The following SORCS3 variants were observed in gnomAD, a reference collection of about 807,000 sequenced individuals.
The protein encoded by SORCS3 is sortilin related VPS10 domain containing receptor 3, also known as VPS10 domain-containing receptor SorCS3.
Under a neutral mutation model 146.3 loss-of-function variants are expected in SORCS3, and 57 were observed. The ratio of observed to expected loss-of-function variants is 0.39; its 90% confidence interval spans 0.31 to 0.49. The LOEUF (loss-of-function observed/expected upper bound fraction) is 0.49. Among genes scored for constraint, SORCS3 ranks in the 20% least tolerant of loss-of-function variants. SORCS3 has a pLI of 0.92. For missense variants in SORCS3, 1,341 were observed against 1,575.5 expected (o/e 0.85, Z 2.52); for synonymous variants, 653 against 618.5 (o/e 1.06, Z -0.83).
chr10:104,956,518 A>G (rs1024404295), intron 3 of SORCS3, among the ~76,000 whole-genome samples: 1 of 152,188 alleles, frequency 6.6e-6, no homozygotes, highest in Non-Finnish European at 1.5e-5. Context: ...TTGAACGTAT[A>G]TGTGACAAGA....
intron 5 of SORCS3, among the ~76,000 whole-genome samples, chr10:105,060,189 T>A (rs1026507388): frequency 1.3e-5 from 2 of 152,108 alleles, no homozygotes; most frequent in African/African-American, 4.8e-5. Flanking sequence ...GGCAAGCTTG[T>A]GTGCGTGCTT....
Position 104,891,827 on chromosome 10 carries a change from T to C in SORCS3, c.696-24006T>C, listed in dbSNP as rs1464251101. ...TGGCAGAGCTAGCATTGGATCCAGATTTCTTTCTTCCAGGTTGGTGCTTTT... is the reference window on the plus strand; with the variant it reads ...TGGCAGAGCTAGCATTGGATCCAGACTTCTTTCTTCCAGGTTGGTGCTTTT... On this transcript the variant is annotated intron_variant, in intron 2 of 26. Coordinates refer to ENST00000369701, the MANE Select transcript of SORCS3 (RefSeq NM_014978.3). 2.6e-5 allele frequency among the ~76,000 whole-genome samples: 4 copies of C among 152,210 alleles called. No individual in the cohort carries two copies. In the East Asian group the frequency reaches 7.7e-4, roughly 29 times the overall value.
chr10:104,647,365 C>T (rs2015507366), intron 1 of SORCS3, among the ~76,000 whole-genome samples: 1 of 152,226 alleles, frequency 6.6e-6, no homozygotes, highest in Non-Finnish European at 1.5e-5. Flanking sequence ...CTCAGTTCAA[C>T]ATTCAGACTC....
intron 8 of SORCS3, among the ~76,000 whole-genome samples, chr10:105,147,381 G>A (rs796212211): frequency 3.9e-5 from 6 of 152,210 alleles, no homozygotes; most frequent in African/African-American, 1.4e-4. Flanking sequence ...ATCCTTGAAA[G>A]CCATGGGAAA....
intron 16 of SORCS3, among the ~76,000 whole-genome samples, chr10:105,205,133 C>A (rs1194634677): frequency 6.6e-6 from 1 of 152,096 alleles, no homozygotes; most frequent in Non-Finnish European, 1.5e-5. Flanking sequence ...AAAGTTCAAG[C>A]CTCAGAGACA....
At chr10:105,182,996 C>T (rs765308258) in intron 14 of SORCS3, among the ~76,000 whole-genome samples, 1 of 152,156 alleles carries the variant, frequency 6.6e-6, no homozygotes, top group Admixed American at 6.5e-5. Context: ...TGTGCCAGTG[C>T]GCCTGGCCAG....
chr10:104,913,143 G>C (rs1235411938), intron 2 of SORCS3, among the ~76,000 whole-genome samples: 5 of 152,188 alleles, frequency 3.3e-5, no homozygotes, highest in Admixed American at 6.5e-5. Context: ...GATTCAGCTT[G>C]ACTGTGTGCA....
At chr10:104,989,653 T>C (rs772795878) in intron 4 of SORCS3, among the ~76,000 whole-genome samples, 12 of 152,136 alleles carry the variant, frequency 7.9e-5, no homozygotes, top group Non-Finnish European at 1.2e-4. Flanking sequence ...CAGAATGTGA[T>C]GCAAGTGGGA....
chr10:105,091,185 A>ATCCCTCCTTCCTTCCT (rs1169514494), intron 6 of SORCS3, among the ~76,000 whole-genome samples: 2 of 34,574 alleles, frequency 5.8e-5, no homozygotes, highest in African/African-American at 1.1e-4. Context: ...TCCTTCCTTC[A>ATCCCTCCTTCCTTCCT]TCCCTCCTTC....
intron 1 of SORCS3, among the ~76,000 whole-genome samples, chr10:104,800,660 A>C (rs1012802078): frequency 5.9e-5 from 9 of 152,260 alleles, no homozygotes; most frequent in South Asian, 2.1e-4. Context: ...CTGAAAATAC[A>C]ATTTATCTGA....
intron 4 of SORCS3, among the ~76,000 whole-genome samples, chr10:105,018,370 G>A (rs949629564): frequency 6.6e-6 from 1 of 152,080 alleles, no homozygotes; most frequent in African/African-American, 2.4e-5. Context: ...CTAAACTAAT[G>A]GCCAAGGCCA....
At chr10:105,165,599 G>A (rs902082966) in intron 12 of SORCS3, among the ~76,000 whole-genome samples, 3 of 152,132 alleles carry the variant, frequency 2.0e-5, no homozygotes, top group African/African-American at 4.8e-5. Flanking sequence ...CTACCCACAA[G>A]GCCATAATCA....
At chr10:104,830,457 A>G (rs1254583999) in intron 1 of SORCS3, among the ~76,000 whole-genome samples, 1 of 152,114 alleles carries the variant, frequency 6.6e-6, no homozygotes, top group Non-Finnish European at 1.5e-5. Context: ...GCTGAGGTGC[A>G]TCAGAAGAAC....
At chr10:105,022,901 A>T (rs2055206322) in intron 4 of SORCS3, among the ~76,000 whole-genome samples, 1 of 152,204 alleles carries the variant, frequency 6.6e-6, no homozygotes, top group Non-Finnish European at 1.5e-5. Context: ...CTTGATGATC[A>T]CTGAGGCTGT....
intron 4 of SORCS3, among the ~76,000 whole-genome samples, chr10:105,034,868 T>G (rs1268131605): frequency 1.3e-5 from 2 of 152,162 alleles, no homozygotes; most frequent in Non-Finnish European, 2.9e-5. Context: ...TAAGGAGACT[T>G]AAGTGGAAAC....
At chr10:104,987,321 C>CTT (rs528690280) in intron 4 of SORCS3, among the ~76,000 whole-genome samples, 1 of 151,546 alleles carries the variant, frequency 6.6e-6, no homozygotes, top group African/African-American at 2.4e-5. Context: ...GTTTGTGGGG[C>CTT]TTTTTTTTGC....
At chr10:105,072,254 A>T (rs1158473986) in intron 5 of SORCS3, among the ~76,000 whole-genome samples, 1 of 152,146 alleles carries the variant, frequency 6.6e-6, no homozygotes, top group Non-Finnish European at 1.5e-5. Context: ...GGCTCTGAGC[A>T]ACTTGCTGCC....
chr10:104,861,930 T>TC (rs2018408192), intron 2 of SORCS3, among the ~76,000 whole-genome samples: 1 of 152,208 alleles, frequency 6.6e-6, no homozygotes, highest in African/African-American at 2.4e-5. Context: ...AATCATCACC[T>TC]TACCTCTGCC....
chr10:104,780,757 A>C (rs548444272), intron 1 of SORCS3, among the ~76,000 whole-genome samples: 2 of 152,286 alleles, frequency 1.3e-5, no homozygotes, highest in South Asian at 2.1e-4. Context: ...CACAACTGGG[A>C]ATTGCCTGTG....
Sources: gnomAD v4.1 joint callset for allele counts (sites outside exome capture counted in the v4.1 genomes callset) on GRCh38, gnomAD v4.1.1 for gene constraint, MANE v1.5 for transcripts, NCBI Gene and HGNC (gene_info 2026-07-23, HGNC 2026-07-21) for gene names.